The following MSL2 variants were observed in gnomAD, a reference collection of about 807,000 sequenced individuals.
The protein encoded by MSL2 is MSL complex subunit 2.
In MSL2, 2 loss-of-function variants were observed where a neutral mutation model predicts 35.8. The observed-to-expected ratio is 0.06, with a 90% CI of 0.02 to 0.18. The LOEUF is 0.18. Ranked by LOEUF, MSL2 falls within the 10% of genes least tolerant of loss-of-function variation. MSL2 has a pLI of 1.00. For missense variants in MSL2, 523 were observed against 706.7 expected, an observed-to-expected ratio of 0.74 and a Z score of 2.95; for synonymous variants, 296 against 255.7, an observed-to-expected ratio of 1.16 and a Z score of -1.50.
intron 1 of MSL2, among the ~76,000 whole-genome samples, chr3:136,163,252 C>A (rs1182620759): frequency 1.3e-5 from 2 of 152,112 alleles, no homozygotes; most frequent in East Asian, 3.9e-4. Context: ...GAGCGAGACT[C>A]CGTCTCAAAT....
chr3:136,164,880 A>G (rs1939798051), intron 1 of MSL2, among the ~76,000 whole-genome samples: 1 of 147,052 alleles, frequency 6.8e-6, no homozygotes, highest in African/African-American at 2.7e-5. Flanking sequence ...ACACCTTCAG[A>G]CTTTTTTTTT....
intron 1 of MSL2, among the ~76,000 whole-genome samples, chr3:136,154,732 G>A (rs1939470768): frequency 6.6e-6 from 1 of 152,156 alleles, no homozygotes; most frequent in Non-Finnish European, 1.5e-5. Flanking sequence ...TGTTTAGTGG[G>A]AAATCTATAG....
intron 1 of MSL2, among the ~76,000 whole-genome samples, chr3:136,180,573 A>C (rs1940311500): frequency 6.6e-6 from 1 of 151,058 alleles, no homozygotes; most frequent in African/African-American, 2.4e-5. Flanking sequence ...GGAGGCTGGC[A>C]CCTGTAATCC....
chr3:136,182,382 A>G lies in MSL2; in HGVS notation c.142+12590T>C, dbSNP rs78848067. Among the ~76,000 whole-genome samples, 1,141 of 152,342 alleles carry G rather than the reference A, an allele frequency of 7.5e-3. 18 individuals are homozygous for G. The highest frequency in any genetic ancestry group is 0.026 in the African/African-American group (1,077 of 41,572). On this transcript the variant is annotated intron_variant, in intron 1 of 1. Coordinates refer to ENST00000309993, the MANE Select transcript of MSL2 (RefSeq NM_018133.4). ...ATTTACTCTCCTAACTGAAATAACT[A>G]AAAAACAGAATAGAACAATAGGTTT...
At chr3:136,158,775 A>G (rs1022118430) in intron 1 of MSL2, among the ~76,000 whole-genome samples, 5 of 152,248 alleles carry the variant, frequency 3.3e-5, no homozygotes, top group Non-Finnish European at 7.3e-5. Context: ...AGGTCATAGC[A>G]CAAACAATAT....
At chr3:136,181,179 C>T (rs184756539) in intron 1 of MSL2, among the ~76,000 whole-genome samples, 132 of 151,638 alleles carry the variant, frequency 8.7e-4, no homozygotes, top group Middle Eastern at 3.4e-3. Context: ...TAACAAAAAT[C>T]GTGAACCAAA....
At chr3:136,184,463 C>CTCAT (rs1407150012) in intron 1 of MSL2, among the ~76,000 whole-genome samples, 3 of 151,298 alleles carry the variant, frequency 2.0e-5, no homozygotes, top group African/African-American at 7.3e-5. Flanking sequence ...ATGAGCTGGG[C>CTCAT]ATGATGGCAG....
intron 1 of MSL2, among the ~76,000 whole-genome samples, chr3:136,155,235 T>TG (rs1363558005): frequency 6.8e-6 from 1 of 147,728 alleles, no homozygotes; most frequent in Non-Finnish European, 1.5e-5. Context: ...CTGGATGCGG[T>TG]GGCTCATGCT....
At chr3:136,180,760 A>AAGAG (rs1940318725) in intron 1 of MSL2, among the ~76,000 whole-genome samples, 7 of 41,630 alleles carry the variant, frequency 1.7e-4, no homozygotes, top group African/African-American at 6.0e-4. Flanking sequence ...GAAGGAGGGA[A>AAGAG]GGAGGGAGGG....
intron 1 of MSL2, among the ~76,000 whole-genome samples, chr3:136,160,641 C>G (rs184480815): frequency 6.7e-6 from 1 of 150,054 alleles, no homozygotes; most frequent in African/African-American, 2.5e-5. Flanking sequence ...ACTCAGGAGG[C>G]GGAGGTGCAG....
intron 1 of MSL2, chr3:136,153,082 A>C: frequency 7.1e-6 from 7 of 984,248 alleles, no homozygotes; most frequent in Non-Finnish European, 8.4e-6. Context: ...TAGGGTTAAA[A>C]CCCTTTGGAT....
At chr3:136,157,680 C>A (rs1339158439) in intron 1 of MSL2, among the ~76,000 whole-genome samples, 4 of 152,112 alleles carry the variant, frequency 2.6e-5, no homozygotes, top group African/African-American at 9.6e-5. Context: ...TCACTAGTGC[C>A]CTACAAAATG....
chr3:136,152,057 C>T lies in MSL2; in HGVS notation c.824G>A (p.Arg275His), dbSNP rs375788366. Residue 275 changes from arginine to histidine, a missense_variant, in exon 2 of 2, where the codon CGC becomes CAC. Arg to His is a conservative substitution (Grantham distance 29, BLOSUM62 0). Around this residue, in one of 5 missense-constraint regions of MSL2, gnomAD observed 361 missense variants for 414.6 expected, o/e 0.87. Transcript: ENST00000309993. ...SLLLSVEEVL[R>H]SLETVSNTEV... ...TGTATTTGAAACAGTTTCTAAGCTG[C>T]GGAGTACTTCCTCAACACTCAGTAA... 9.3e-6 allele frequency: 15 copies of T among 1,614,032 alleles called. No homozygotes were observed. The highest frequency in any genetic ancestry group is 8.3e-5 in the Admixed American group (5 of 60,004).
At chr3:136,160,624 C>T (rs1339421641) in intron 1 of MSL2, among the ~76,000 whole-genome samples, 3 of 151,188 alleles carry the variant, frequency 2.0e-5, no homozygotes, top group Non-Finnish European at 4.4e-5. Context: ...GCAGGAGAAT[C>T]GCTTGAACTC....
chr3:136,177,932 T>C (rs908540079), intron 1 of MSL2, among the ~76,000 whole-genome samples: 4 of 152,192 alleles, frequency 2.6e-5, no homozygotes, highest in African/African-American at 9.6e-5. Context: ...CCTGAACAGT[T>C]AAACTTCGGA....
At chr3:136,162,288 A>G (rs1316640626) in intron 1 of MSL2, among the ~76,000 whole-genome samples, 1 of 151,570 alleles carries the variant, frequency 6.6e-6, no homozygotes. Context: ...AAAAAAAAAA[A>G]AGAGGGCTAC....
At chr3:136,158,282 A>T (rs1005075336) in intron 1 of MSL2, among the ~76,000 whole-genome samples, 1 of 152,044 alleles carries the variant, frequency 6.6e-6, no homozygotes, top group African/African-American at 2.4e-5. Flanking sequence ...ACTGCACTCC[A>T]GCCTGGGCAA....
chr3:136,193,359 G>C (rs1940743051), intron 1 of MSL2, among the ~76,000 whole-genome samples: 3 of 152,044 alleles, frequency 2.0e-5, no homozygotes, highest in Admixed American at 1.3e-4. Flanking sequence ...CACCCATCTA[G>C]TAAACAGGGG....
intron 1 of MSL2, among the ~76,000 whole-genome samples, chr3:136,181,420 T>C (rs1458748843): frequency 6.6e-6 from 1 of 152,196 alleles, no homozygotes. Context: ...CTCATGCTCA[T>C]TTGACATCTC....
Sources: gnomAD v4.1 joint callset for allele counts (sites outside exome capture counted in the v4.1 genomes callset) on GRCh38, gnomAD v4.1.1 for gene constraint, gnomAD v4.1.1 regional missense constraint, MANE v1.5 for transcripts, NCBI Gene and HGNC (gene_info 2026-07-23, HGNC 2026-07-21) for gene names.